Variants in DLG2 observed in about 807,000 individuals in gnomAD.
DLG2 encodes disks large homolog 2.
Under a neutral mutation model 132.5 loss-of-function variants are expected in DLG2, and 45 were observed. The ratio of observed to expected loss-of-function variants is 0.34; its 90% CI spans 0.27 to 0.44. The LOEUF is 0.44. Among genes scored for constraint, DLG2 ranks in the 20% least tolerant of loss-of-function variants. The pLI is 1.00. For synonymous variants in DLG2, 424 were observed against 419.6 expected (o/e 1.01, Z -0.13); for missense variants, 1,045 against 1,196.9 (o/e 0.87, Z 1.87).
chr11:84,567,832 A>G (rs1157921989), intron 6 of DLG2, among the ~76,000 whole-genome samples: 1 of 152,196 alleles, frequency 6.6e-6, no homozygotes, highest in Non-Finnish European at 1.5e-5. Context: ...ACCCCAATAC[A>G]TGAAAACAAG....
At chr11:83,806,778 G>A (rs960132361) in intron 17 of DLG2, among the ~76,000 whole-genome samples, 2 of 152,112 alleles carry the variant, frequency 1.3e-5, no homozygotes, top group African/African-American at 2.4e-5. Context: ...AAAGACTCCT[G>A]TTCCTCTAAA....
intron 6 of DLG2, among the ~76,000 whole-genome samples, chr11:84,972,951 T>G (rs1442738625): frequency 5.0e-5 from 5 of 99,950 alleles, no homozygotes; most frequent in Non-Finnish European, 8.1e-5. Context: ...GTTTTTTGGG[T>G]TTTTTTTTTT....
chr11:85,417,015 T>G (rs1027841532), intron 3 of DLG2, among the ~76,000 whole-genome samples: 1 of 152,186 alleles, frequency 6.6e-6, no homozygotes, highest in African/African-American at 2.4e-5. Context: ...ATCCTTGTCG[T>G]ATGCCAGTTT....
chr11:83,797,554 T>C (rs1021396457), intron 17 of DLG2, among the ~76,000 whole-genome samples: 1 of 152,076 alleles, frequency 6.6e-6, no homozygotes, highest in African/African-American at 2.4e-5. Flanking sequence ...AATCTCTCTC[T>C]TTTCTCCCAG....
At chr11:84,588,718 T>C (rs562388190) in intron 6 of DLG2, among the ~76,000 whole-genome samples, 95 of 151,872 alleles carry the variant, frequency 6.3e-4, no homozygotes, top group African/African-American at 2.1e-3. Context: ...ATAAGACAGG[T>C]TGCAATAAAG....
At chr11:85,281,688 T>TA (rs2078236324) in intron 4 of DLG2, among the ~76,000 whole-genome samples, 1 of 151,858 alleles carries the variant, frequency 6.6e-6, no homozygotes, top group Admixed American at 6.6e-5. Context: ...ATGGCTTTTA[T>TA]AAAAAAGACA....
chr11:85,396,651 T>C (rs760368779), intron 3 of DLG2, among the ~76,000 whole-genome samples: 1 of 152,002 alleles, frequency 6.6e-6, no homozygotes, highest in African/African-American at 2.4e-5. Context: ...CAACAGCCAA[T>C]TCAATCAAGT....
At chr11:85,553,251 CT>C (rs2076766126) in intron 3 of DLG2, among the ~76,000 whole-genome samples, 1 of 151,492 alleles carries the variant, frequency 6.6e-6, no homozygotes, top group South Asian at 2.1e-4. Flanking sequence ...TCTAAATTCA[CT>C]TTTTTCTTTC....
chr11:83,845,427 T>C (rs2058428440), intron 16 of DLG2, among the ~76,000 whole-genome samples: 2 of 152,222 alleles, frequency 1.3e-5, no homozygotes, highest in South Asian at 4.1e-4. Flanking sequence ...CAGTATAATG[T>C]GTGCCTCATA....
At chr11:85,527,856 C>T (rs564120288) in intron 3 of DLG2, among the ~76,000 whole-genome samples, 4 of 152,280 alleles carry the variant, frequency 2.6e-5, no homozygotes, top group East Asian at 1.9e-4. Context: ...TCACCAGCAA[C>T]GGTTGTTTCC....
intron 18 of DLG2, among the ~76,000 whole-genome samples, chr11:83,747,318 T>TCCTTCCTTCCTGCCTTCCTTCCTG (rs1438533204): frequency 4.1e-5 from 5 of 122,802 alleles, no homozygotes; most frequent in Admixed American, 8.0e-5. Context: ...CTTCCTTCCT[T>TCCTTCCTTCCTGCCTTCCTTCCTG]CCTTCCTTCC....
At chr11:84,325,590 G>C (rs1273127103) in intron 7 of DLG2, among the ~76,000 whole-genome samples, 1 of 152,070 alleles carries the variant, frequency 6.6e-6, no homozygotes, top group Non-Finnish European at 1.5e-5. Context: ...TTGCATCTCA[G>C]AAATAAATTC....
At chr11:83,941,908 C>G (rs1327315138) in intron 14 of DLG2, among the ~76,000 whole-genome samples, 1 of 152,178 alleles carries the variant, frequency 6.6e-6, no homozygotes, top group Non-Finnish European at 1.5e-5. Context: ...AGACGTTTTT[C>G]TGTGTCAGTA....
At chr11:84,102,455 A>C (rs891132617) in intron 9 of DLG2, among the ~76,000 whole-genome samples, 2 of 152,170 alleles carry the variant, frequency 1.3e-5, no homozygotes, top group African/African-American at 4.8e-5. Flanking sequence ...TAAGGAATAC[A>C]ATATGGAAGT....
chr11:85,204,677 A>G (rs1397463486), intron 4 of DLG2, among the ~76,000 whole-genome samples: 1 of 152,136 alleles, frequency 6.6e-6, no homozygotes, highest in East Asian at 1.9e-4. Flanking sequence ...ATAAACAGAA[A>G]AAAAAAACTC....
At chr11:83,981,010 T>C (rs2092726477) in intron 11 of DLG2, among the ~76,000 whole-genome samples, 1 of 152,188 alleles carries the variant, frequency 6.6e-6, no homozygotes, top group Non-Finnish European at 1.5e-5. Flanking sequence ...GTCCTGCTCA[T>C]TGTTGACTCT....
chr11:83,567,336 G>C (rs767574906), intron 19 of DLG2, among the ~76,000 whole-genome samples: 28 of 152,182 alleles, frequency 1.8e-4, no homozygotes, highest in Non-Finnish European at 3.8e-4. Flanking sequence ...CTATGTTTAA[G>C]GCTACTGTTT....
At chr11:84,571,873 A>G (rs1381719441) in intron 6 of DLG2, among the ~76,000 whole-genome samples, 2 of 152,126 alleles carry the variant, frequency 1.3e-5, no homozygotes, top group East Asian at 1.9e-4. Flanking sequence ...TTGGGGTTTA[A>G]TAATAACCAG....
At chr11:83,807,041 A>G (rs1304635395) in intron 17 of DLG2, among the ~76,000 whole-genome samples, 1 of 152,180 alleles carries the variant, frequency 6.6e-6, no homozygotes, top group East Asian at 1.9e-4. Context: ...TCCAAGCATT[A>G]CTGATTTCAA....
Sources: allele counts gnomAD v4.1 joint callset (sites outside exome capture counted in the v4.1 genomes callset), GRCh38; gene constraint gnomAD v4.1.1; transcripts MANE v1.5; gene names NCBI Gene and HGNC (gene_info 2026-07-23, HGNC 2026-07-21).